The following MAST4 variants were observed in gnomAD, a reference collection of about 807,000 sequenced individuals.
The protein encoded by MAST4 is microtubule-associated serine/threonine-protein kinase 4.
A neutral mutation model predicts 162.7 loss-of-function variants in MAST4; 89 were observed. That is an observed-to-expected ratio of 0.55 (90% CI 0.46 to 0.65). MAST4 has a LOEUF of 0.65. Among genes scored for constraint, MAST4 ranks in the 30% least tolerant of loss-of-function variants. The probability of loss-of-function intolerance (pLI) is 0.00; values close to 1 mark genes in which losing one functional copy is unlikely to be tolerated. For synonymous variants in MAST4, 1,479 were observed against 1,361.1 expected (o/e 1.09, Z -1.91); for missense variants, 3,153 against 3,374.0 (o/e 0.93, Z 1.62).
chr5:67,016,411 C>A (rs942016392), intron 4 of MAST4, among the ~76,000 whole-genome samples: 1 of 152,062 alleles, frequency 6.6e-6, no homozygotes, highest in Admixed American at 6.5e-5. Flanking sequence ...ATTTTAGTAC[C>A]TTTTTAATTT....
At chr5:66,997,426 C>A (rs951594912) in intron 4 of MAST4, among the ~76,000 whole-genome samples, 3 of 145,384 alleles carry the variant, frequency 2.1e-5, no homozygotes, top group Non-Finnish European at 3.0e-5. Flanking sequence ...TGTTTTTTTT[C>A]TTTTCTCTTT....
chr5:67,163,325 G>T lies in MAST4; in HGVS notation c.4146G>T (p.Thr1382=), dbSNP rs377283422. Residue 1382 remains threonine (T), a synonymous_variant, in exon 29 of 29, where the codon ACG becomes ACT. Transcript: ENST00000403625. The surrounding 1 kb of genome is among the most constrained non-coding windows in gnomAD (Gnocchi z 7.0). ...TCCCACTGTCCCCGCTGGCCCGGACGCCCTCTCCAACCCCGCAACCCACCT... is the reference window on the plus strand; with the variant it reads ...TCCCACTGTCCCCGCTGGCCCGGACTCCCTCTCCAACCCCGCAACCCACCT... ...GNIPLSPLAR[T]PSPTPQPTSP... 16 of 1,612,634 alleles carry T rather than the reference G, an allele frequency of 9.9e-6. No homozygotes were observed. In the African/African-American group the frequency reaches 2.0e-4, roughly 20 times the overall value.
intron 12 of MAST4, 186 bp downstream of exon 12, chr5:67,114,405 A>T (rs1246618369): frequency 3.2e-6 from 2 of 625,248 alleles, no homozygotes; most frequent in Non-Finnish European, 5.2e-6. Context: ...ACGAATGAGC[A>T]TGACCCATTT....
At chr5:66,804,379 T>C (rs1263564984) in intron 3 of MAST4, among the ~76,000 whole-genome samples, 1 of 152,170 alleles carries the variant, frequency 6.6e-6, no homozygotes, top group Non-Finnish European at 1.5e-5. Flanking sequence ...GGATCTGTGG[T>C]TGGCGTGGCT....
intron 7 of MAST4, 65 bp downstream of exon 7, chr5:67,095,740 T>G: frequency 8.2e-7 from 1 of 1,224,516 alleles, no homozygotes; most frequent in Admixed American, 2.6e-5. Context: ...ACACAGGCAG[T>G]GTTTTCTCTG....
Position 66,897,971 on chromosome 5 carries a change from A to G in MAST4, c.643-1980A>G, listed in dbSNP as rs191474559. On this transcript the variant is annotated intron_variant, in intron 3 of 28. Coordinates refer to ENST00000403625, the MANE Select transcript of MAST4 (RefSeq NM_001164664.2). Reference sequence around the variant, plus strand: ...ATTCGTTTGGTCCCTTTCCTCTTATATCTTCTGAGTGATCTATTTGCATAT... The same window carrying G: ...ATTCGTTTGGTCCCTTTCCTCTTATGTCTTCTGAGTGATCTATTTGCATAT... 2.9e-3 allele frequency among the ~76,000 whole-genome samples: 435 copies of G among 152,298 alleles called. 1 individual carries two copies. Among genetic ancestry groups the G allele is most frequent in the African/African-American group, 0.01 (420 of 41,558 alleles).
chr5:66,685,611 A>T (rs1447121093), intron 1 of MAST4, among the ~76,000 whole-genome samples: 1 of 152,194 alleles, frequency 6.6e-6, no homozygotes, highest in Admixed American at 6.5e-5. Flanking sequence ...GTGATTAAGT[A>T]GGTGTTTCAT....
intron 4 of MAST4, chr5:66,959,107 A>G: frequency 1.5e-6 from 1 of 669,088 alleles, no homozygotes. Flanking sequence ...GAAGGACCCA[A>G]ACTTGCAGCC....
At chr5:67,075,238 G>C (rs188179301) in intron 5 of MAST4, among the ~76,000 whole-genome samples, 1 of 147,920 alleles carries the variant, frequency 6.8e-6, no homozygotes, top group Admixed American at 6.9e-5. Flanking sequence ...TGGCATGATC[G>C]TGGCTCCCTG....
At chr5:66,682,659 A>G (rs1452906675) in intron 1 of MAST4, among the ~76,000 whole-genome samples, 2 of 152,258 alleles carry the variant, frequency 1.3e-5, no homozygotes, top group Admixed American at 1.3e-4. Flanking sequence ...TTGTTGCCTT[A>G]GAGAGTGCCG....
At chr5:67,030,913 G>C (rs1055993852) in intron 4 of MAST4, among the ~76,000 whole-genome samples, 2 of 152,160 alleles carry the variant, frequency 1.3e-5, no homozygotes, top group East Asian at 1.9e-4. Context: ...CTGTTATGGT[G>C]AAATTTTTTT....
intron 2 of MAST4, among the ~76,000 whole-genome samples, chr5:66,764,340 G>A (rs1438532696): frequency 6.6e-6 from 1 of 152,168 alleles, no homozygotes; most frequent in Non-Finnish European, 1.5e-5. Flanking sequence ...ACATTTCAAG[G>A]TTCTGCTGGT....
intron 4 of MAST4, among the ~76,000 whole-genome samples, chr5:67,000,834 T>C (rs949537304): frequency 1.3e-5 from 2 of 152,060 alleles, no homozygotes; most frequent in Non-Finnish European, 2.9e-5. Flanking sequence ...ATTTTTTGTA[T>C]GTAGAAGGGG....
intron 1 of MAST4, among the ~76,000 whole-genome samples, chr5:66,732,579 C>T (rs1751918976): frequency 6.6e-6 from 1 of 152,144 alleles, no homozygotes; most frequent in African/African-American, 2.4e-5. Flanking sequence ...TTCTTAAGGG[C>T]AAGGACAATG....
chr5:66,690,574 C>T (rs887907837), intron 1 of MAST4, among the ~76,000 whole-genome samples: 2 of 152,174 alleles, frequency 1.3e-5, no homozygotes, highest in Non-Finnish European at 2.9e-5. Flanking sequence ...ACCCTATGTT[C>T]CTTTCTCTTC....
chr5:66,664,696 C>T (rs1296412422), intron 1 of MAST4, among the ~76,000 whole-genome samples: 1 of 150,878 alleles, frequency 6.6e-6, no homozygotes, highest in Non-Finnish European at 1.5e-5. Context: ...AAGACTTGCT[C>T]AAAAACCAAG....
chr5:67,028,208 C>G (rs1252480199), intron 4 of MAST4, among the ~76,000 whole-genome samples: 1 of 147,862 alleles, frequency 6.8e-6, no homozygotes, highest in Non-Finnish European at 1.5e-5. Context: ...AGTAAACAAC[C>G]TTGATGGGTG....
chr5:67,164,189 C>T lies in MAST4; in HGVS notation c.5010C>T (p.Ala1670=), dbSNP rs1362807743. Residue 1670 remains alanine (A), a synonymous_variant, in exon 29 of 29, where the codon GCC becomes GCT. Transcript: ENST00000403625. The surrounding 1 kb of genome is among the most constrained non-coding windows in gnomAD (Gnocchi z 5.3). ...KGEGTEKSSQ[A]KELLRCEKLD... Reference sequence around the variant, plus strand: ...AAGGCACGGAGAAGTCCTCCCAGGCCAAGGAGCTTCTCCGATGTGAAAAGT... The same window carrying T: ...AAGGCACGGAGAAGTCCTCCCAGGCTAAGGAGCTTCTCCGATGTGAAAAGT... The T allele has an allele frequency of 6.2e-7, 1 of 1,612,248 alleles. No homozygotes were observed. Among genetic ancestry groups the T allele is most frequent in the South Asian group, 1.1e-5 (1 of 90,592 alleles).
chr5:67,118,874 A>T, intron 13 of MAST4, 125 bp downstream of exon 13: 3 of 631,114 alleles, frequency 4.8e-6, no homozygotes, highest in Non-Finnish European at 8.5e-6. Flanking sequence ...ATGAATAAGA[A>T]TATGGATAAG....
Sources: gnomAD v4.1 joint callset for allele counts (sites outside exome capture counted in the v4.1 genomes callset) on GRCh38, gnomAD v4.1.1 for gene constraint, Gnocchi (gnomAD v3.1) non-coding constraint, MANE v1.5 for transcripts, NCBI Gene and HGNC (gene_info 2026-07-23, HGNC 2026-07-21) for gene names.